The following KCNT2 variants were observed in gnomAD, a reference collection of about 807,000 sequenced individuals.
KCNT2 encodes potassium channel subfamily T member 2.
Under a neutral mutation model 153.8 loss-of-function variants are expected in KCNT2, and 67 were observed. That is an observed-to-expected ratio of 0.44 (90% CI 0.36 to 0.53). KCNT2 has a LOEUF of 0.53. Among genes scored for constraint, KCNT2 ranks in the 20% least tolerant of loss-of-function variants. KCNT2 has a pLI of 0.00. For synonymous variants in KCNT2, 500 were observed against 458.8 expected, an observed-to-expected ratio of 1.09 and a Z score of -1.15; for missense variants, 975 against 1,354.8, an observed-to-expected ratio of 0.72 and a Z score of 4.40.
At chr1:196,505,963 T>A (rs983524230) in intron 1 of KCNT2, among the ~76,000 whole-genome samples, 1 of 152,284 alleles carries the variant, frequency 6.6e-6, no homozygotes, top group African/African-American at 2.4e-5. Flanking sequence ...AAGTTGCTTA[T>A]CAGCTTAAGG....
At position 196,228,263 on chromosome 1, in the gene KCNT2, A is replaced by G; in HGVS notation, c.3369T>C (p.Asn1123=). 1.2e-6 allele frequency: 2 copies of G among 1,611,776 alleles called. No individual in the cohort carries two copies. The highest frequency in any genetic ancestry group is 1.7e-6 in the Non-Finnish European group (2 of 1,178,340). ...CCTCCCGAGAATCTTGACCAGTGAC[A>G]TTGCAGATGCTGTTTCTTCGACTGG... ...SEPSRRNSIC[N]VTGQDSREET... The change falls in exon 28 of 28, where the codon AAT becomes AAC. Residue 1123 remains asparagine, a synonymous_variant. Transcript: ENST00000294725.
intron 1 of KCNT2, among the ~76,000 whole-genome samples, chr1:196,494,931 A>G (rs565914767): frequency 1.3e-5 from 2 of 151,966 alleles, no homozygotes; most frequent in Non-Finnish European, 2.9e-5. Context: ...TCCAATACCT[A>G]TAAATGTGCC....
chr1:196,235,883 T>C (rs1324024608), intron 27 of KCNT2, 103 bp downstream of exon 27: 2 of 681,620 alleles, frequency 2.9e-6, no homozygotes, highest in Non-Finnish European at 5.1e-6. Flanking sequence ...ATTTAAGCAC[T>C]TATAAGAAAA....
At chr1:196,248,961 A>G (rs1284656382) in intron 26 of KCNT2, among the ~76,000 whole-genome samples, 1 of 152,212 alleles carries the variant, frequency 6.6e-6, no homozygotes, top group Non-Finnish European at 1.5e-5. Context: ...ATTATTCATC[A>G]TGACCAAGTG....
intron 14 of KCNT2, among the ~76,000 whole-genome samples, chr1:196,359,951 C>T (rs1667484562): frequency 6.6e-6 from 1 of 151,958 alleles, no homozygotes; most frequent in South Asian, 2.1e-4. Flanking sequence ...ATATTTAAAT[C>T]TAATTTAATA....
At chr1:196,335,256 T>C (rs910469317) in intron 16 of KCNT2, among the ~76,000 whole-genome samples, 4 of 152,168 alleles carry the variant, frequency 2.6e-5, no homozygotes, top group African/African-American at 9.7e-5. Context: ...AAGGGGGATA[T>C]GTTCTGAGAA....
At chr1:196,451,494 G>A (rs1676199262) in intron 8 of KCNT2, among the ~76,000 whole-genome samples, 2 of 127,464 alleles carry the variant, frequency 1.6e-5, no homozygotes, top group South Asian at 4.9e-4. Flanking sequence ...CCTGAGTTCT[G>A]CTTGCCTTGA....
intron 14 of KCNT2, among the ~76,000 whole-genome samples, 200 bp from the exon 15 acceptor site, chr1:196,342,428 A>ATATATATATATATATATATG (rs1376633538): frequency 3.3e-5 from 4 of 120,024 alleles, no homozygotes; most frequent in African/African-American, 1.2e-4. Context: ...TACTATATAT[A>ATATATATATATATATATATG]TATATATATA....
chr1:196,506,875 G>A (rs939920841), intron 1 of KCNT2, among the ~76,000 whole-genome samples: 1 of 152,082 alleles, frequency 6.6e-6, no homozygotes, highest in African/African-American at 2.4e-5. Context: ...TTTAGTCAAA[G>A]TAGATGAGGC....
chr1:196,398,162 G>C (rs775919142), intron 13 of KCNT2, among the ~76,000 whole-genome samples: 1 of 151,310 alleles, frequency 6.6e-6, no homozygotes, highest in African/African-American at 2.4e-5. Context: ...CTATTGCATG[G>C]TAAGCCTATG....
chr1:196,308,179 G>A (rs1195346472), intron 21 of KCNT2, among the ~76,000 whole-genome samples: 3 of 151,884 alleles, frequency 2.0e-5, no homozygotes, highest in Non-Finnish European at 4.4e-5. Flanking sequence ...TCTCCGATGG[G>A]TAACACACAT....
chr1:196,423,940 C>T (rs1030686162), intron 11 of KCNT2, among the ~76,000 whole-genome samples: 3 of 151,816 alleles, frequency 2.0e-5, no homozygotes, highest in Non-Finnish European at 2.9e-5. Context: ...CTACTCCATG[C>T]TCTATGCATG....
intron 1 of KCNT2, among the ~76,000 whole-genome samples, chr1:196,552,673 A>C (rs1658070627): frequency 6.6e-6 from 1 of 151,580 alleles, no homozygotes; most frequent in African/African-American, 2.4e-5. Context: ...TTAGGCAGAA[A>C]GACTAATTGA....
intron 13 of KCNT2, among the ~76,000 whole-genome samples, chr1:196,386,470 A>C (rs370935947): frequency 6.6e-6 from 1 of 152,180 alleles, no homozygotes; most frequent in Non-Finnish European, 1.5e-5. Flanking sequence ...GAAGCACTAC[A>C]TGTGTTGACT....
At chr1:196,397,505 T>C (rs1671044916) in intron 13 of KCNT2, among the ~76,000 whole-genome samples, 1 of 151,496 alleles carries the variant, frequency 6.6e-6, no homozygotes, top group Non-Finnish European at 1.5e-5. Flanking sequence ...TATCATACTG[T>C]ATAAATCAGA....
chr1:196,596,223 T>C (rs2149017041), intron 1 of KCNT2, among the ~76,000 whole-genome samples: 1 of 152,078 alleles, frequency 6.6e-6, no homozygotes, highest in South Asian at 2.1e-4. Flanking sequence ...ACATAGTGAC[T>C]TCTTTTCCTT....
At chr1:196,245,153 C>G (rs775247217) in intron 26 of KCNT2, among the ~76,000 whole-genome samples, 4 of 152,046 alleles carry the variant, frequency 2.6e-5, no homozygotes, top group Non-Finnish European at 4.4e-5. Context: ...TGGGGTGCAC[C>G]GTGAGTAGAT....
At chr1:196,285,553 T>G in intron 23 of KCNT2, 104 bp downstream of exon 23, 1 of 601,866 alleles carries the variant, frequency 1.7e-6, no homozygotes, top group East Asian at 3.1e-5. Flanking sequence ...GAGCCAATTT[T>G]AAGTTAGTAG....
At chr1:196,389,793 A>G (rs1001149558) in intron 13 of KCNT2, among the ~76,000 whole-genome samples, 5 of 151,626 alleles carry the variant, frequency 3.3e-5, no homozygotes, top group African/African-American at 1.2e-4. Flanking sequence ...CTGAAAACTA[A>G]TACTGATCTA....
Sources: allele counts gnomAD v4.1 joint callset (sites outside exome capture counted in the v4.1 genomes callset), GRCh38; gene constraint gnomAD v4.1.1; transcripts MANE v1.5; gene names NCBI Gene and HGNC (gene_info 2026-07-23, HGNC 2026-07-21).